Variants in ANK2 observed in about 807,000 individuals in gnomAD.
ANK2 encodes the protein ankyrin-2.
ANK2 carries 83 observed loss-of-function variants against 360.5 expected under a neutral mutation model. The ratio of observed to expected loss-of-function variants is 0.23; its 90% CI spans 0.19 to 0.28. ANK2 has a LOEUF of 0.28. Ranked by LOEUF, ANK2 falls within the 10% of genes least tolerant of loss-of-function variation. The pLI, the probability that ANK2 is intolerant of heterozygous loss-of-function variation, is 1.00. For synonymous variants in ANK2, 1,740 were observed against 1,759.5 expected (o/e 0.99, Z 0.28); for missense variants, 4,201 against 4,795.7 (o/e 0.88, Z 3.66).
intron 26 of ANK2, among the ~76,000 whole-genome samples, chr4:113,319,859 A>G (rs1352230816): frequency 1.3e-5 from 2 of 152,200 alleles, no homozygotes; most frequent in African/African-American, 4.8e-5. Flanking sequence ...TCACAGTGGT[A>G]AGAAGGAAAA....
intron 2 of ANK2, among the ~76,000 whole-genome samples, chr4:112,995,392 G>T (rs1326571606): frequency 1.3e-5 from 2 of 152,120 alleles, no homozygotes; most frequent in African/African-American, 4.8e-5. Flanking sequence ...TTGGTTGCTT[G>T]TATGTCTCCT....
At chr4:113,175,091 G>A (rs1439749636) in intron 2 of ANK2, among the ~76,000 whole-genome samples, 1 of 152,074 alleles carries the variant, frequency 6.6e-6, no homozygotes. Flanking sequence ...CTATTTTTGA[G>A]TAAGATTTTT....
At chr4:112,784,350 ATT>A in the ANK2 span, among the ~76,000 whole-genome samples, 164 of 69,524 alleles carry the variant, frequency 2.4e-3, no homozygotes, top group African/African-American at 3.2e-3. Context: ...ACCCTGACTG[ATT>A]TTTTTTTTTT....
At chr4:113,193,895 T>C (rs1338000164) in intron 2 of ANK2, among the ~76,000 whole-genome samples, 1 of 152,260 alleles carries the variant, frequency 6.6e-6, no homozygotes, top group Non-Finnish European at 1.5e-5. Context: ...AAAGATGTTA[T>C]ATAAGTTAGT....
intron 1 of ANK2, among the ~76,000 whole-genome samples, chr4:112,849,962 G>A (rs1440742225): frequency 1.3e-5 from 2 of 152,172 alleles, no homozygotes; most frequent in Admixed American, 6.5e-5. Flanking sequence ...GAACAAAAAG[G>A]TGAAGGAAGG....
At chr4:113,072,601 C>T (rs957577067) in intron 1 of ANK2, among the ~76,000 whole-genome samples, 1 of 152,254 alleles carries the variant, frequency 6.6e-6, no homozygotes, top group Admixed American at 6.5e-5. Flanking sequence ...GGTGTGAGAG[C>T]ACCTCAGTTA....
chr4:113,166,912 G>A lies in ANK2; in HGVS notation c.85-7504G>A, dbSNP rs188312245. Among the ~76,000 whole-genome samples the A allele has an allele frequency of 4.2e-3, 645 of 152,118 alleles. 6 individuals are homozygous for A. The highest frequency in any genetic ancestry group is 0.015 in the African/African-American group (623 of 41,484). On this transcript the variant is annotated intron_variant, in intron 1 of 45. Transcript: ENST00000357077. ...TTCATGTATAATCAAAGAGAATTAT[G>A]CAATTTTTGTAATTACAAAGCCTCA...
chr4:112,972,773 T>G (rs2039995597), intron 2 of ANK2, among the ~76,000 whole-genome samples: 1 of 152,066 alleles, frequency 6.6e-6, no homozygotes, highest in African/African-American at 2.4e-5. Flanking sequence ...CCAACTTGAG[T>G]GTCCATTGAC....
intron 2 of ANK2, among the ~76,000 whole-genome samples, chr4:113,181,591 A>C (rs1312911649): frequency 6.6e-6 from 1 of 152,072 alleles, no homozygotes; most frequent in Non-Finnish European, 1.5e-5. Context: ...TATGGAGGAA[A>C]ATACAGCAGG....
the ANK2 span, among the ~76,000 whole-genome samples, chr4:112,785,243 C>G: frequency 6.6e-6 from 1 of 152,176 alleles, no homozygotes; most frequent in African/African-American, 2.4e-5. Context: ...TTTGCTACCT[C>G]CCCTTGATCC....
At chr4:112,931,628 A>G (rs1581387745) in intron 2 of ANK2, among the ~76,000 whole-genome samples, 1 of 151,674 alleles carries the variant, frequency 6.6e-6, no homozygotes, top group Non-Finnish European at 1.5e-5. Flanking sequence ...TAGTTGAGAC[A>G]GGGTTTCACC....
chr4:113,171,711 C>A (rs939161779), intron 1 of ANK2, among the ~76,000 whole-genome samples: 17 of 152,316 alleles, frequency 1.1e-4, no homozygotes, highest in African/African-American at 4.1e-4. Context: ...TTTGCTATAA[C>A]TTTGACATGC....
intron 10 of ANK2, among the ~76,000 whole-genome samples, chr4:113,250,625 C>T (rs116771400): frequency 2.1e-3 from 315 of 152,032 alleles, no homozygotes; most frequent in African/African-American, 7.3e-3. Flanking sequence ...TTTTGAGACA[C>T]GAATTGGAGA....
rs777934625 is a variant in ANK2, at chr4:113,311,277, T to C, written c.2571T>C (p.Asp857=). Residue 857 remains aspartate (D), a synonymous_variant, in exon 24 of 46, where the codon GAT becomes GAC. Transcript: ENST00000357077. ...DEEGDDTMTG[D]GGEYLRPEDL... is the part of the protein sequence containing the mutation. ...AAGGTGATGACACAATGACTGGTGA[T>C]GGGGGAGAATACCTTAGGCCTGAGG... 1 of 1,614,096 alleles carries C rather than the reference T, an allele frequency of 6.2e-7. No homozygotes were observed. The highest frequency in any genetic ancestry group is 1.1e-5 in the South Asian group (1 of 91,082).
intron 20 of ANK2, among the ~76,000 whole-genome samples, chr4:113,290,940 C>G (rs1306361377): frequency 2.0e-5 from 3 of 152,186 alleles, no homozygotes; most frequent in African/African-American, 7.2e-5. Flanking sequence ...GGCAAATATC[C>G]TCACTGGGGA....
intron 2 of ANK2, among the ~76,000 whole-genome samples, chr4:112,981,129 G>GA (rs535512445): frequency 5.4e-4 from 83 of 152,338 alleles, no homozygotes; most frequent in African/African-American, 1.9e-3. Flanking sequence ...GAAGAGTGTG[G>GA]AGGAAGAACA....
At chr4:113,276,193 G>T (rs373123263) in intron 15 of ANK2, among the ~76,000 whole-genome samples, 1 of 151,958 alleles carries the variant, frequency 6.6e-6, no homozygotes, top group African/African-American at 2.4e-5. Context: ...CACCCACCTC[G>T]GCCTCCTAAA....
At chr4:113,360,765 T>C (rs764543099) in intron 38 of ANK2, 58 bp from the exon 39 acceptor site, 1 of 1,466,348 alleles carries the variant, frequency 6.8e-7, no homozygotes, top group Non-Finnish European at 9.5e-7. Context: ...GAATCAGTAC[T>C]GTGGTTCCTC....
intron 1 of ANK2, among the ~76,000 whole-genome samples, chr4:112,824,434 T>C (rs568946230): frequency 6.6e-6 from 1 of 152,110 alleles, no homozygotes; most frequent in South Asian, 2.1e-4. Context: ...ACTCCTGGCT[T>C]CAAGCAATCC....
Sources: gnomAD v4.1 joint callset for allele counts (sites outside exome capture counted in the v4.1 genomes callset) on GRCh38, gnomAD v4.1.1 for gene constraint, MANE v1.5 for transcripts, NCBI Gene and HGNC (gene_info 2026-07-23, HGNC 2026-07-21) for gene names.